The following SLF2 variants were observed in gnomAD, a reference collection of about 807,000 sequenced individuals.
SLF2 encodes the protein SMC5-SMC6 complex localization factor protein 2.
A neutral mutation model predicts 124.3 loss-of-function variants in SLF2; 68 were observed. The observed-to-expected ratio is 0.55, with a 90% CI of 0.45 to 0.67. The LOEUF is 0.67. SLF2 is among the 30% of genes least tolerant of loss of function. SLF2 has a pLI of 0.00. For synonymous variants in SLF2, 480 were observed against 478.8 expected, an observed-to-expected ratio of 1.00 and a Z score of -0.03; for missense variants, 1,246 against 1,373.7, an observed-to-expected ratio of 0.91 and a Z score of 1.47.
At chr10:100,915,194 CTTG>C (rs1849392033) in intron 1 of SLF2, among the ~76,000 whole-genome samples, 1 of 152,086 alleles carries the variant, frequency 6.6e-6, no homozygotes, top group African/African-American at 2.4e-5. Context: ...TTTTGTTATT[CTTG>C]TTAACTTTCT....
chr10:100,942,446 G>A (rs939584369), intron 11 of SLF2, among the ~76,000 whole-genome samples: 1 of 152,158 alleles, frequency 6.6e-6, no homozygotes, highest in African/African-American at 2.4e-5. Context: ...GTATGGGGAT[G>A]GGAGTGCATA....
At chr10:100,915,667 T>C (rs538833163) in intron 1 of SLF2, among the ~76,000 whole-genome samples, 1 of 152,330 alleles carries the variant, frequency 6.6e-6, no homozygotes, top group Admixed American at 6.5e-5. Context: ...ACCCAAGATG[T>C]TGCATTCTAC....
chr10:100,960,400 G>T (rs1850405908), intron 19 of SLF2, among the ~76,000 whole-genome samples: 1 of 152,164 alleles, frequency 6.6e-6, no homozygotes, highest in Non-Finnish European at 1.5e-5. Flanking sequence ...AATGTCTGAG[G>T]TTTCTAATTT....
chr10:100,926,360 T>TTAG, intron 6 of SLF2: 1 of 1,292,822 alleles, frequency 7.7e-7, no homozygotes, highest in Non-Finnish European at 1.0e-6. Context: ...ATCCAGTACT[T>TTAG]TAGGAGGCCA....
chr10:100,928,045 C>CACACACA (rs1478253739), intron 6 of SLF2, among the ~76,000 whole-genome samples: 1 of 13,244 alleles, frequency 7.6e-5, no homozygotes, highest in African/African-American at 3.2e-4. Context: ...CCCCCCCCCC[C>CACACACA]CACACACACA....
At chr10:100,925,871 G>A (rs751938546) in intron 5 of SLF2, 78 bp from the exon 6 acceptor site, 65 of 1,348,472 alleles carry the variant, frequency 4.8e-5, no homozygotes, top group Middle Eastern at 2.7e-4. Context: ...ATAGTCTTTC[G>A]TACCCTTAAT....
chr10:100,941,779 T>C (rs1358688987), intron 11 of SLF2, among the ~76,000 whole-genome samples: 1 of 152,160 alleles, frequency 6.6e-6, no homozygotes, highest in African/African-American at 2.4e-5. Context: ...CCTCACTTAG[T>C]AGTTACTACA....
chr10:100,941,764 T>C (rs1403253182), intron 11 of SLF2, among the ~76,000 whole-genome samples: 1 of 152,202 alleles, frequency 6.6e-6, no homozygotes, highest in Non-Finnish European at 1.5e-5. Context: ...GGGCTTCACA[T>C]AGTACCTCAC....
intron 9 of SLF2, among the ~76,000 whole-genome samples, chr10:100,936,713 T>C (rs538935796): frequency 2.4e-4 from 37 of 152,228 alleles, no homozygotes; most frequent in Non-Finnish European, 3.5e-4. Context: ...TGGTATATTA[T>C]TTTGTATATT....
At chr10:100,913,883 C>T in intron 1 of SLF2, 1 of 984,828 alleles carries the variant, frequency 1.0e-6, no homozygotes, top group Middle Eastern at 5.2e-4. Flanking sequence ...GTTTAAATTC[C>T]CTACGAACTT....
chr10:100,920,928 G>A (rs1209421613), intron 4 of SLF2, among the ~76,000 whole-genome samples: 1 of 152,136 alleles, frequency 6.6e-6, no homozygotes, highest in Non-Finnish European at 1.5e-5. Flanking sequence ...CAGCCTGGGT[G>A]TCAGAGCAGG....
At chr10:100,913,344 C>T (rs766021470) in intron 1 of SLF2, 94 bp downstream of exon 1, 64 of 1,381,522 alleles carry the variant, frequency 4.6e-5, no homozygotes, top group Non-Finnish European at 5.8e-5. Flanking sequence ...TCCCGCCATC[C>T]TCCGCGAGCT....
chr10:100,932,791 G>A (rs1388375380), intron 9 of SLF2, among the ~76,000 whole-genome samples: 6 of 152,054 alleles, frequency 3.9e-5, no homozygotes, highest in African/African-American at 1.4e-4. Context: ...AAAACGTAGG[G>A]TAAGGTAGAT....
At chr10:100,943,992 C>T in intron 11 of SLF2, 34 bp from the exon 12 acceptor site, 2 of 1,424,132 alleles carry the variant, frequency 1.4e-6, no homozygotes, top group Non-Finnish European at 1.9e-6. Flanking sequence ...TATTTTGTGC[C>T]TAACTTCACA....
chr10:100,960,522 ATCT>A (rs1169691179), intron 19 of SLF2, among the ~76,000 whole-genome samples: 1 of 152,242 alleles, frequency 6.6e-6, no homozygotes, highest in Non-Finnish European at 1.5e-5. Context: ...GGTGTTAAAC[ATCT>A]TCTCATATGC....
chr10:100,917,177 G>C lies in SLF2; in HGVS notation c.792G>C (p.Glu264Asp). The change falls in exon 3 of 20, where the codon GAG becomes GAC. Residue 264 changes from glutamate to aspartate, a missense_variant. Physicochemically the swap from Glu to Asp is conservative, Grantham distance 45. Around this residue, in one of 3 missense-constraint regions of SLF2, gnomAD observed 698 missense variants for 708.9 expected, o/e 0.98. Coordinates refer to ENST00000238961, the MANE Select transcript of SLF2 (RefSeq NM_018121.4). ...KEQMEQRINS[E>D]NSFSEASSLS... is the part of the protein sequence containing the mutation. ...AAATGGAGCAGAGAATCAACTCCGAGAATTCTTTCTCAGAAGCAAGCAGTC... is the reference window on the plus strand; with the variant it reads ...AAATGGAGCAGAGAATCAACTCCGACAATTCTTTCTCAGAAGCAAGCAGTC... 1 of 1,614,046 alleles carries C rather than the reference G, an allele frequency of 6.2e-7. No individual in the cohort carries two copies. The highest frequency in any genetic ancestry group is 8.5e-7 in the Non-Finnish European group (1 of 1,180,046).
chr10:100,928,032 C>CA (rs1849646051), intron 6 of SLF2, among the ~76,000 whole-genome samples: 2 of 21,456 alleles, frequency 9.3e-5, no homozygotes, highest in East Asian at 7.5e-4. Flanking sequence ...ATGATGAACA[C>CA]CCCCCCCCCC....
chr10:100,959,461 T>C lies in SLF2; in HGVS notation c.3451T>C (p.Trp1151Arg). Residue 1151 changes from tryptophan (W) to arginine (R), a missense_variant, in exon 19 of 20, where the codon TGG (tryptophan) becomes CGG (arginine). By Grantham distance (101) the Trp-to-Arg change is moderately radical (BLOSUM62 -3). Coordinates refer to ENST00000238961, the MANE Select transcript of SLF2 (RefSeq NM_018121.4). ...CTTGGTCGCCAGGATACATGGAAAA[T>C]GGCAGGAAATAATCCAGAACTGTCG... ...KDLVARIHGK[W>R]QEIIQNCRPT... 1 of 1,610,436 alleles carries C rather than the reference T, an allele frequency of 6.2e-7. No homozygotes were observed. Among genetic ancestry groups the C allele is most frequent in the Non-Finnish European group, 8.5e-7 (1 of 1,179,172 alleles).
At chr10:100,926,983 A>G (rs551424063) in intron 6 of SLF2, among the ~76,000 whole-genome samples, 8 of 151,976 alleles carry the variant, frequency 5.3e-5, no homozygotes, top group Non-Finnish European at 7.4e-5. Context: ...TTTTTATAGT[A>G]TACTGCACTA....
Sources: gnomAD v4.1 joint callset for allele counts (sites outside exome capture counted in the v4.1 genomes callset) on GRCh38, gnomAD v4.1.1 for gene constraint, gnomAD v4.1.1 regional missense constraint, MANE v1.5 for transcripts, NCBI Gene and HGNC (gene_info 2026-07-23, HGNC 2026-07-21) for gene names.